The following MGAT4C variants were observed in gnomAD, a reference collection of about 807,000 sequenced individuals.
MGAT4C encodes the protein alpha-1,3-mannosyl-glycoprotein 4-beta-N-acetylglucosaminyltransferase C.
A neutral mutation model predicts 40.1 loss-of-function variants in MGAT4C; 19 were observed. The observed-to-expected ratio is 0.47, with a 90% CI of 0.33 to 0.70. The LOEUF (loss-of-function observed/expected upper bound fraction) is 0.70. Ranked by LOEUF, MGAT4C falls within the 30% of genes least tolerant of loss-of-function variation. The pLI is 0.02. For synonymous variants in MGAT4C, 181 were observed against 187.1 expected (o/e 0.97, Z 0.27); for missense variants, 491 against 563.2 (o/e 0.87, Z 1.30).
At chr12:86,672,239 A>G (rs1458253631) in intron 2 of MGAT4C, among the ~76,000 whole-genome samples, 1 of 152,124 alleles carries the variant, frequency 6.6e-6, no homozygotes, top group Non-Finnish European at 1.5e-5. Flanking sequence ...GAAACAAATG[A>G]TAATGGAAAC....
chr12:86,441,422 T>C (rs1957225887), intron 2 of MGAT4C, among the ~76,000 whole-genome samples: 1 of 151,836 alleles, frequency 6.6e-6, no homozygotes, highest in Non-Finnish European at 1.5e-5. Flanking sequence ...TATGTATACA[T>C]GTGCCATGTT....
At chr12:86,133,516 T>G (rs1881534642) in intron 1 of MGAT4C, among the ~76,000 whole-genome samples, 1 of 152,214 alleles carries the variant, frequency 6.6e-6, no homozygotes, top group African/African-American at 2.4e-5. Flanking sequence ...TTATCTTTTA[T>G]GAAGATTCCT....
intron 2 of MGAT4C, among the ~76,000 whole-genome samples, chr12:86,685,289 G>T (rs185497091): frequency 6.6e-6 from 1 of 152,154 alleles, no homozygotes; most frequent in East Asian, 1.9e-4. Flanking sequence ...TTATTAAATA[G>T]GGAATCCTTT....
upstream of MGAT4C, among the ~76,000 whole-genome samples, chr12:86,256,760 T>C (rs1425699765): frequency 1.3e-5 from 2 of 152,172 alleles, no homozygotes; most frequent in Non-Finnish European, 2.9e-5. Context: ...AATCATAACA[T>C]CTGGAATTTT....
chr12:86,779,016 A>G (rs1364106430), intron 1 of MGAT4C, among the ~76,000 whole-genome samples: 1 of 150,970 alleles, frequency 6.6e-6, no homozygotes, highest in Non-Finnish European at 1.5e-5. Context: ...TTCACTAAAA[A>G]AAAAAAAACA....
intron 1 of MGAT4C, among the ~76,000 whole-genome samples, chr12:86,829,241 AGAAAG>A (rs1196928690): frequency 6.6e-6 from 1 of 151,578 alleles, no homozygotes; most frequent in Non-Finnish European, 1.5e-5. Context: ...ATCATTGAAA[AGAAAG>A]GATAGTTACA....
chr12:86,489,049 A>G (rs781181999), intron 2 of MGAT4C, among the ~76,000 whole-genome samples: 17 of 152,066 alleles, frequency 1.1e-4, no homozygotes, highest in Non-Finnish European at 2.2e-4. Flanking sequence ...TCTTTTTGCC[A>G]GTCGAATGTT....
At chr12:86,271,628 T>C (rs905247228) in intron 4 of MGAT4C, among the ~76,000 whole-genome samples, 1 of 152,156 alleles carries the variant, frequency 6.6e-6, no homozygotes, top group African/African-American at 2.4e-5. Flanking sequence ...TACCATTTGA[T>C]CCAGTAATCT....
intron 1 of MGAT4C, among the ~76,000 whole-genome samples, chr12:86,130,648 A>C (rs535745204): frequency 6.6e-6 from 1 of 152,098 alleles, no homozygotes; most frequent in African/African-American, 2.4e-5. Flanking sequence ...CTCCAGTAGA[A>C]GTAATGTTTT....
chr12:86,830,858 C>T (rs1952912894), intron 1 of MGAT4C, among the ~76,000 whole-genome samples: 1 of 151,810 alleles, frequency 6.6e-6, no homozygotes, highest in Admixed American at 6.6e-5. Context: ...ATTGTAGCCC[C>T]ACTCTACATT....
chr12:86,135,638 G>A (rs1446884965), intron 1 of MGAT4C, among the ~76,000 whole-genome samples: 3 of 151,914 alleles, frequency 2.0e-5, no homozygotes, highest in African/African-American at 4.8e-5. Flanking sequence ...TTCTTTTTCC[G>A]CAACAAACAC....
At chr12:86,191,083 GCACACACACACA>G (rs56357601) in intron 1 of MGAT4C, among the ~76,000 whole-genome samples, 7,198 of 138,410 alleles carry the variant, frequency 0.052, 279 homozygotes, top group East Asian at 0.11. Context: ...CTCTCTCTCT[GCACACACACACA>G]CACACACACA....
chr12:86,666,418 T>G lies in MGAT4C; in HGVS notation c.-229+60791A>C, dbSNP rs145197552. On this transcript the variant is annotated intron_variant, in intron 2 of 7. Coordinates refer to the MGAT4C transcript ENST00000548651. ...AATATTGTTGATGTGTCATACTGCA[T>G]TAAAAAAAAATTCTATGTGTCCACA... Among the ~76,000 whole-genome samples, 409 of 152,084 alleles carry G rather than the reference T, an allele frequency of 2.7e-3. 2 individuals carry two copies. Among genetic ancestry groups the G allele is most frequent in the Middle Eastern group, 6.8e-3 (2 of 294 alleles).
At chr12:86,278,192 T>TTTTTC (rs386377246) in intron 4 of MGAT4C, among the ~76,000 whole-genome samples, 1 of 149,580 alleles carries the variant, frequency 6.7e-6, no homozygotes, top group Non-Finnish European at 1.5e-5. Flanking sequence ...TTTTTTTTTT[T>TTTTTC]TTTTAAGATG....
rs1883353454 is a variant in MGAT4C, at chr12:85,966,169, C to A, written c.*13120G>T. ...AATAACCAGATGGAGGAAAATGATA[C>A]CATCTGATTTAATTATTAACTTGAA... On this transcript the variant is annotated 3_prime_UTR_variant, in exon 5 of 5. Transcript: ENST00000611864. 1 of 152,004 alleles carries A rather than the reference C, an allele frequency of 6.6e-6. No individual in the cohort carries two copies. The highest frequency in any genetic ancestry group is 2.1e-4 in the South Asian group (1 of 4,828). 9.4% of individuals were successfully genotyped at this position (152,004 alleles called of 1,614,324 possible). A position where few individuals can be genotyped will look rare whatever the true frequency, so the allele number is the denominator to read the frequency against.
intron 2 of MGAT4C, among the ~76,000 whole-genome samples, chr12:86,633,299 T>TA (rs1258251942): frequency 8.5e-5 from 13 of 152,094 alleles, no homozygotes; most frequent in African/African-American, 2.9e-4. Flanking sequence ...TACCTAATTA[T>TA]AAAACACATA....
At chr12:85,992,979 G>T (rs1015820908) in intron 2 of MGAT4C, among the ~76,000 whole-genome samples, 1 of 152,182 alleles carries the variant, frequency 6.6e-6, no homozygotes, top group Non-Finnish European at 1.5e-5. Context: ...TCCCTATGCG[G>T]GTTCTCTCTT....
chr12:86,592,369 T>G (rs1263059612), intron 2 of MGAT4C, among the ~76,000 whole-genome samples: 2 of 152,288 alleles, frequency 1.3e-5, no homozygotes, highest in East Asian at 3.9e-4. Context: ...AGTACTAGAA[T>G]GAGTATTATC....
Position 86,440,971 on chromosome 12 carries a change from C to T in MGAT4C, c.-228-5706G>A, listed in dbSNP as rs151044139. 5.9e-5 allele frequency among the ~76,000 whole-genome samples: 9 copies of T among 152,190 alleles called. No individual in the cohort carries two copies. In the East Asian group the frequency reaches 1.5e-3, roughly 26 times the overall value. On this transcript the variant is annotated intron_variant, in intron 2 of 7. Transcript: ENST00000548651. Reference sequence around the variant, plus strand: ...CTGCTGGAATAAATCATAGGCAACACAAACACATGGAAATACATCCGATGC... The same window carrying T: ...CTGCTGGAATAAATCATAGGCAACATAAACACATGGAAATACATCCGATGC...
Sources: allele counts gnomAD v4.1 joint callset (sites outside exome capture counted in the v4.1 genomes callset), GRCh38; gene constraint gnomAD v4.1.1; transcripts MANE v1.5; gene names NCBI Gene and HGNC (gene_info 2026-07-23, HGNC 2026-07-21).